Variants in PCDH7 observed in about 807,000 individuals in gnomAD.
The protein encoded by PCDH7 is protocadherin 7, also known as protocadherin-7.
PCDH7 carries 17 observed loss-of-function variants against 58.9 expected under a neutral mutation model. The ratio of observed to expected loss-of-function variants is 0.29; its 90% confidence interval spans 0.20 to 0.43. PCDH7 has a LOEUF of 0.43. PCDH7 is among the 20% of genes least tolerant of loss of function. The pLI is 1.00. For missense variants in PCDH7, 1,274 were observed against 1,441.0 expected (o/e 0.88, Z 1.88); for synonymous variants, 664 against 616.4 (o/e 1.08, Z -1.14).
chr4:31,130,397 C>T (rs776726419), intron 3 of PCDH7, among the ~76,000 whole-genome samples: 45 of 152,216 alleles, frequency 3.0e-4, no homozygotes, highest in South Asian at 1.2e-3. Context: ...AAATTAGGTA[C>T]GCATGACTCA....
chr4:30,766,962 T>C (rs1720827774), intron 1 of PCDH7, among the ~76,000 whole-genome samples: 1 of 152,194 alleles, frequency 6.6e-6, no homozygotes, highest in Admixed American at 6.6e-5. Flanking sequence ...GTGAAAGATA[T>C]GTATAATATC....
At position 30,722,697 on chromosome 4, in the gene PCDH7, C is replaced by A; in HGVS notation, c.1275C>A (p.Leu425=). ...TCCGCAAGATTGGGCGCATCCCCCT[C>A]AAGGACGGGGTGGCCAACGTGGCCG... is the stretch of plus-strand genomic sequence containing the variant. Residue 425 remains leucine (L), a synonymous_variant, in exon 1 of 2, where the codon CTC becomes CTA. Coordinates refer to ENST00000361762, the Ensembl canonical transcript of PCDH7. The surrounding 1 kb of genome is among the most constrained non-coding windows in gnomAD (Gnocchi z 7.6). 1 of 1,613,622 alleles carries A rather than the reference C, an allele frequency of 6.2e-7. No individual in the cohort carries two copies. Among genetic ancestry groups the A allele is most frequent in the Non-Finnish European group, 8.5e-7 (1 of 1,180,024 alleles).
intron 3 of PCDH7, among the ~76,000 whole-genome samples, chr4:31,025,279 A>C (rs1754336612): frequency 6.6e-6 from 1 of 152,240 alleles, no homozygotes; most frequent in Non-Finnish European, 1.5e-5. Flanking sequence ...AACATCTTGC[A>C]TAGCATCTGC....
rs796492397 is a variant in PCDH7 at position 30,914,658 on chromosome 4, A to G, written c.71-5495A>G. Among the ~76,000 whole-genome samples, 9 of 152,204 alleles carry G rather than the reference A, an allele frequency of 5.9e-5. 1 individual carries two copies. In the South Asian group the frequency reaches 1.9e-3, roughly 31 times the overall value. On this transcript the variant is annotated intron_variant, in intron 1 of 3. Transcript: ENST00000509759. The stretch of plus-strand genomic sequence containing the variant: ...TCTATATTTTCTTAAAAAGCATCAA[A>G]ACAATGGGCCATAACTCTAGTTATA...
At chr4:30,820,138 C>T (rs1661971454) in intron 1 of PCDH7, among the ~76,000 whole-genome samples, 1 of 151,928 alleles carries the variant, frequency 6.6e-6, no homozygotes, top group Non-Finnish European at 1.5e-5. Flanking sequence ...AACAGCAACA[C>T]AGAATACAGG....
At chr4:30,978,473 T>A (rs187788443) in intron 3 of PCDH7, among the ~76,000 whole-genome samples, 124 of 152,338 alleles carry the variant, frequency 8.1e-4, no homozygotes, top group African/African-American at 2.6e-3. Flanking sequence ...ATGCTTTTTT[T>A]AATAATATTT....
intron 1 of PCDH7, among the ~76,000 whole-genome samples, chr4:30,915,039 C>A (rs1031160579): frequency 1.4e-4 from 21 of 152,222 alleles, no homozygotes; most frequent in Middle Eastern, 3.4e-3. Context: ...TTAATTCTAG[C>A]TAGCTTGTCT....
chr4:30,769,569 T>A (rs2109277049), intron 1 of PCDH7, among the ~76,000 whole-genome samples: 1 of 152,308 alleles, frequency 6.6e-6, no homozygotes, highest in Non-Finnish European at 1.5e-5. Flanking sequence ...ATTTGAGATG[T>A]TACTGTTTTA....
At chr4:31,129,199 T>G (rs1265684496) in intron 3 of PCDH7, among the ~76,000 whole-genome samples, 1 of 152,120 alleles carries the variant, frequency 6.6e-6, no homozygotes, top group Non-Finnish European at 1.5e-5. Flanking sequence ...GAAAAGGTCA[T>G]ATGAATAGGT....
At chr4:30,726,612 A>G (rs1714645651) in intron 1 of PCDH7, among the ~76,000 whole-genome samples, 1 of 152,002 alleles carries the variant, frequency 6.6e-6, no homozygotes, top group African/African-American at 2.4e-5. Context: ...AACTGAGTAA[A>G]GAAGTCCACA....
At chr4:30,842,764 A>C (rs1305762315) in intron 1 of PCDH7, among the ~76,000 whole-genome samples, 1 of 152,164 alleles carries the variant, frequency 6.6e-6, no homozygotes, top group Non-Finnish European at 1.5e-5. Flanking sequence ...CTACAAGATA[A>C]GATTTACGGT....
chr4:31,115,964 A>G (rs1308222449), intron 3 of PCDH7, among the ~76,000 whole-genome samples: 1 of 152,202 alleles, frequency 6.6e-6, no homozygotes, highest in African/African-American at 2.4e-5. Flanking sequence ...TATTATTTGC[A>G]AAGAATTTAG....
intron 1 of PCDH7, among the ~76,000 whole-genome samples, chr4:30,769,297 T>G (rs2109276789): frequency 6.6e-6 from 1 of 152,332 alleles, no homozygotes; most frequent in East Asian, 1.9e-4. Flanking sequence ...CGCAGCCCCC[T>G]TAGGCCCTGC....
intron 3 of PCDH7, among the ~76,000 whole-genome samples, chr4:31,141,112 C>T (rs1353215463): frequency 1.3e-5 from 2 of 152,166 alleles, no homozygotes; most frequent in Admixed American, 6.6e-5. Context: ...CCAAGTAAAA[C>T]GTCTAAAATA....
intron 1 of PCDH7, among the ~76,000 whole-genome samples, chr4:30,756,496 G>A (rs73213186): frequency 0.055 from 8,405 of 152,278 alleles, 356 homozygotes; most frequent in Non-Finnish European, 0.086. Flanking sequence ...AATCCTTAAT[G>A]TCTGATGCTA....
At chr4:30,964,640 A>ACG (rs1560538793) in intron 3 of PCDH7, among the ~76,000 whole-genome samples, 1 of 148,896 alleles carries the variant, frequency 6.7e-6, no homozygotes, top group East Asian at 2.0e-4. Context: ...AACCTCCCTG[A>ACG]GGGCAGAAAT....
At position 31,109,183 on chromosome 4, in the gene PCDH7, T is replaced by C. The variant is rs1047899278; in HGVS notation, c.*8-33290T>C. The stretch of plus-strand genomic sequence containing the variant: ...AAGCAAGTCTCAAGGCTAAGCCTAG[T>C]TTAAAAGGTAGGAAAACAGACTCTA... On this transcript the variant is annotated intron_variant, in intron 3 of 3. Coordinates refer to the PCDH7 transcript ENST00000509759. Among the ~76,000 whole-genome samples the C allele has an allele frequency of 5.3e-5, 8 of 152,226 alleles. No individual in the cohort carries two copies. The East Asian group carries it at 1.4e-3, about 26-fold the overall frequency.
Position 31,073,757 on chromosome 4 carries a change from T to C in PCDH7, c.*8-68716T>C, listed in dbSNP as rs775819115. Among the ~76,000 whole-genome samples, 39 of 152,298 alleles carry C rather than the reference T, an allele frequency of 2.6e-4. 1 individual carries two copies. The highest frequency in any genetic ancestry group is 2.2e-4 in the African/African-American group (9 of 41,570). On this transcript the variant is annotated intron_variant, in intron 3 of 3. Transcript: ENST00000509759. ...ATACACAATTTTATAACACAAACCT[T>C]AGTATTTATTTTAGTTAAATATGTA...
intron 1 of PCDH7, among the ~76,000 whole-genome samples, chr4:30,910,102 T>G (rs898049602): frequency 6.6e-6 from 1 of 151,984 alleles, no homozygotes; most frequent in African/African-American, 2.4e-5. Flanking sequence ...ATAAATGGTG[T>G]TGGGAAAACT....
Sources: gnomAD v4.1 joint callset for allele counts (sites outside exome capture counted in the v4.1 genomes callset) on GRCh38, gnomAD v4.1.1 for gene constraint, Gnocchi (gnomAD v3.1) non-coding constraint, MANE v1.5 for transcripts, NCBI Gene and HGNC (gene_info 2026-07-23, HGNC 2026-07-21) for gene names.